AMBRA1: variants seen among roughly 807,000 people sequenced by gnomAD.
AMBRA1 encodes activating molecule in BECN1-regulated autophagy protein 1.
Under a neutral mutation model 125.4 loss-of-function variants are expected in AMBRA1, and 47 were observed. That is an observed-to-expected ratio of 0.37 (90% confidence interval 0.30 to 0.48). AMBRA1 has a LOEUF of 0.48. AMBRA1 is among the 20% of genes least tolerant of loss of function. AMBRA1 has a pLI of 0.99. For synonymous variants in AMBRA1, 626 were observed against 655.5 expected (o/e 0.95, Z 0.69); for missense variants, 1,331 against 1,693.4 (o/e 0.79, Z 3.76).
intron 7 of AMBRA1, among the ~76,000 whole-genome samples, chr11:46,529,229 A>G (rs543346137): frequency 6.6e-6 from 1 of 152,354 alleles, no homozygotes; most frequent in African/African-American, 2.4e-5. Flanking sequence ...TTGCTCTCAT[A>G]CTGCATAATC....
At chr11:46,407,703 G>A (rs1946091469) in intron 17 of AMBRA1, among the ~76,000 whole-genome samples, 2 of 152,250 alleles carry the variant, frequency 1.3e-5, no homozygotes, top group South Asian at 2.1e-4. Flanking sequence ...CATTCCCTGG[G>A]GTGATAGGCA....
At chr11:46,432,978 A>G (rs781125404) in intron 14 of AMBRA1, among the ~76,000 whole-genome samples, 1 of 152,190 alleles carries the variant, frequency 6.6e-6, no homozygotes, top group Non-Finnish European at 1.5e-5. Context: ...AGGGTCCTAG[A>G]CAGGACCTTT....
chr11:46,400,455 C>T (rs1945687049), intron 17 of AMBRA1, among the ~76,000 whole-genome samples: 1 of 98,018 alleles, frequency 1.0e-5, no homozygotes, highest in South Asian at 3.5e-4. Flanking sequence ...CAGCCTCATG[C>T]TTCTAGTTCT....
chr11:46,434,115 C>CCAA (rs1947591110), intron 13 of AMBRA1, among the ~76,000 whole-genome samples: 1 of 53,556 alleles, frequency 1.9e-5, no homozygotes, highest in Non-Finnish European at 3.7e-5. Flanking sequence ...AACTCCGTCT[C>CCAA]AAAAAAAAAA....
chr11:46,418,931 T>C (rs1416634274), intron 14 of AMBRA1, among the ~76,000 whole-genome samples: 3 of 151,950 alleles, frequency 2.0e-5, no homozygotes, highest in Admixed American at 1.3e-4. Context: ...CCTTGGCTGG[T>C]AGTCCTGTTA....
rs1187434241 is a variant in AMBRA1, at chr11:46,473,462, T to C, written c.2521+20146A>G. 3.3e-5 allele frequency among the ~76,000 whole-genome samples: 5 copies of C among 152,240 alleles called. No homozygotes were observed. The East Asian group carries it at 7.7e-4, about 23-fold the overall frequency. ...TTTCTCTGATAGGATGAGTATTGTATTGACATCTTTGGATAAAGCCCTAAC... is the reference window on the plus strand; with the variant it reads ...TTTCTCTGATAGGATGAGTATTGTACTGACATCTTTGGATAAAGCCCTAAC... On this transcript the variant is annotated intron_variant, in intron 11 of 17. Transcript: ENST00000683756.
At chr11:46,446,136 C>G (rs558351398) in intron 11 of AMBRA1, among the ~76,000 whole-genome samples, 1 of 152,188 alleles carries the variant, frequency 6.6e-6, no homozygotes, top group Non-Finnish European at 1.5e-5. Flanking sequence ...GAGGTGCTCT[C>G]TGCCAATGGT....
At chr11:46,576,106 G>T (rs1042328773) in intron 1 of AMBRA1, among the ~76,000 whole-genome samples, 2 of 152,074 alleles carry the variant, frequency 1.3e-5, no homozygotes, top group African/African-American at 4.8e-5. Flanking sequence ...CATAACAGTA[G>T]ATTACACAGC....
At chr11:46,587,897 C>T (rs1470646288) in intron 1 of AMBRA1, among the ~76,000 whole-genome samples, 3 of 152,068 alleles carry the variant, frequency 2.0e-5, no homozygotes, top group South Asian at 4.2e-4. Flanking sequence ...GAAATAGCTC[C>T]ACAACGTCTG....
At chr11:46,549,562 G>T (rs1240726165) in intron 1 of AMBRA1, among the ~76,000 whole-genome samples, 1 of 151,978 alleles carries the variant, frequency 6.6e-6, no homozygotes, top group Non-Finnish European at 1.5e-5. Flanking sequence ...GCAACTCCTA[G>T]GAAGAAGGAT....
chr11:46,544,789 T>C (rs2135176946), intron 5 of AMBRA1, among the ~76,000 whole-genome samples: 1 of 151,994 alleles, frequency 6.6e-6, no homozygotes, highest in East Asian at 1.9e-4. Context: ...ATGAACAAAA[T>C]GAATGTCTCC....
At position 46,547,718 on chromosome 11, in the gene AMBRA1, C is replaced by G; in HGVS notation, c.194+99G>C. The G allele has an allele frequency of 2.4e-6, 3 of 1,231,030 alleles. No homozygotes were observed. The South Asian group carries it at 3.9e-5, about 16-fold the overall frequency. 76.3% of individuals were successfully genotyped at this position (1,231,030 alleles called of 1,614,324 possible). A position where few individuals can be genotyped will look rare whatever the true frequency, so the allele number is the denominator to read the frequency against. On this transcript the variant is annotated intron_variant, in intron 3 of 17. Transcript: ENST00000683756. ...CCAAAGTGCTGTTCATACAGTACTT[C>G]AGAGAGACTTTAGGGACTGACTTGG...
At chr11:46,404,097 G>A (rs1298518798) in intron 17 of AMBRA1, among the ~76,000 whole-genome samples, 1 of 152,198 alleles carries the variant, frequency 6.6e-6, no homozygotes, top group Non-Finnish European at 1.5e-5. Context: ...GCTGAGGTGG[G>A]AGGATCCCTT....
At chr11:46,441,850 G>T (rs867138750) in intron 12 of AMBRA1, among the ~76,000 whole-genome samples, 1 of 151,286 alleles carries the variant, frequency 6.6e-6, no homozygotes, top group South Asian at 2.1e-4. Flanking sequence ...TAAATAGTCA[G>T]AGTACTGTCA....
rs536952928 is a variant in AMBRA1, at chr11:46,523,489, T to C, written c.2073-10676A>G. 1.4e-4 allele frequency among the ~76,000 whole-genome samples: 21 copies of C among 152,342 alleles called. No individual in the cohort carries two copies. The South Asian group carries it at 4.1e-3, about 30-fold the overall frequency. On this transcript the variant is annotated intron_variant, in intron 7 of 17. Coordinates refer to ENST00000683756, the MANE Select transcript of AMBRA1 (RefSeq NM_001387011.1). ...CGTCCTCCAGCATGTCAATCAATAC[T>C]ACCCTGAGGAGGATTAACTCTGTAG... is the stretch of plus-strand genomic sequence containing the variant.
Position 46,397,469 on chromosome 11 carries a change from C to A in AMBRA1, c.3878G>T (p.Gly1293Val). 1.3e-6 allele frequency: 2 copies of A among 1,516,154 alleles called. No individual in the cohort carries two copies. The highest frequency in any genetic ancestry group is 2.2e-5 in the Admixed American group (1 of 45,036). The allele number at this position is 1,516,154 out of a possible 1,614,324, so 93.9% of individuals were successfully genotyped here. A position where few individuals can be genotyped will look rare whatever the true frequency, so the allele number is the denominator to read the frequency against. ...SSRGDAAGPR[G>V]EPRNR ...TTGTCTCTACCTGTTCCGTGGTTCTCCCCTAGGGCCTGCAGCGTCCCCCCT... is the reference window on the plus strand; with the variant it reads ...TTGTCTCTACCTGTTCCGTGGTTCTACCCTAGGGCCTGCAGCGTCCCCCCT... Residue 1293 changes from glycine to valine, a missense_variant, in exon 18 of 18, where the codon GGA (glycine) becomes GTA (valine). This residue lies in a region of AMBRA1 where 144 missense variants were observed against 133.9 expected (regional missense o/e 1.08). Transcript: ENST00000683756.
chr11:46,432,208 T>C (rs2136703643), intron 14 of AMBRA1, among the ~76,000 whole-genome samples: 1 of 152,240 alleles, frequency 6.6e-6, no homozygotes, highest in Admixed American at 6.5e-5. Flanking sequence ...AACTGCAGTT[T>C]GGTGTGACAA....
At chr11:46,525,098 G>A (rs533422372) in intron 7 of AMBRA1, among the ~76,000 whole-genome samples, 7 of 152,248 alleles carry the variant, frequency 4.6e-5, no homozygotes, top group African/African-American at 9.6e-5. Flanking sequence ...CCAGGAGTTC[G>A]AGACCAGCTC....
intron 1 of AMBRA1, among the ~76,000 whole-genome samples, chr11:46,561,518 A>T (rs1379211794): frequency 6.6e-6 from 1 of 152,208 alleles, no homozygotes; most frequent in Non-Finnish European, 1.5e-5. Flanking sequence ...GAGGTTAAGA[A>T]ATTCATCTAG....
Sources: allele counts gnomAD v4.1 joint callset (sites outside exome capture counted in the v4.1 genomes callset), GRCh38; gene constraint gnomAD v4.1.1; regional missense constraint gnomAD v4.1.1; transcripts MANE v1.5; gene names NCBI Gene and HGNC (gene_info 2026-07-23, HGNC 2026-07-21).